Variants in NCKIPSD observed in about 807,000 individuals in gnomAD.
The protein encoded by NCKIPSD is NCK-interacting protein with SH3 domain.
In NCKIPSD, 48 loss-of-function variants were observed where a neutral mutation model predicts 73.4. The ratio of observed to expected loss-of-function variants is 0.65; its 90% CI spans 0.52 to 0.83. The LOEUF is 0.83. NCKIPSD is among the 40% of genes least tolerant of loss of function. The pLI, the probability that NCKIPSD is intolerant of heterozygous loss-of-function variation, is 0.00. For synonymous variants in NCKIPSD, 422 were observed against 403.6 expected (o/e 1.05, Z -0.54); for missense variants, 884 against 970.2 (o/e 0.91, Z 1.18).
rs1358164762 is a variant in NCKIPSD, at chr3:48,685,721, T to C, written c.87A>G (p.Arg29=). 1.3e-6 allele frequency: 2 copies of C among 1,533,102 alleles called. No homozygotes were observed. The highest frequency in any genetic ancestry group is 2.5e-5 in the East Asian group (1 of 40,162). 95.0% of individuals were successfully genotyped at this position (1,533,102 alleles called of 1,614,324 possible). A position where few individuals can be genotyped will look rare whatever the true frequency, so the allele number is the denominator to read the frequency against. The change falls in exon 1 of 13, where the codon CGA becomes CGG. Residue 29 remains arginine (R), a synonymous_variant. Coordinates refer to ENST00000294129, the MANE Select transcript of NCKIPSD (RefSeq NM_016453.4). ...AAGETFLVLE[R]SSAHWWLAAR... ...CGGCCAGCCACCAGTGCGCGCTGCT[T>C]CGCTCTAGCACCAGGAAGGTCTCGC...
At position 48,674,741 on chromosome 3, in the gene NCKIPSD, T is replaced by G. The variant is rs141045366; in HGVS notation, c.1972A>C (p.Met658Leu). ...GCATGCATCAGGGAGAGGTACTCCA[T>G]GCGCAGCTGTGGGAAGAGCAGGCCA... Reference protein sequence around the residue: ...ADLSPGDKLRMEYLSLMHAIV... With the variant: ...ADLSPGDKLRLEYLSLMHAIV... The change falls in exon 13 of 13, where the codon ATG (methionine) becomes CTG (leucine). Residue 658 changes from methionine (M) to leucine (L), a missense_variant. Met to Leu is a conservative substitution (Grantham distance 15). Coordinates refer to ENST00000294129, the MANE Select transcript of NCKIPSD (RefSeq NM_016453.4). 1 of 1,613,710 alleles carries G rather than the reference T, an allele frequency of 6.2e-7. No individual in the cohort carries two copies. Among genetic ancestry groups the G allele is most frequent in the African/African-American group, 1.3e-5 (1 of 74,852 alleles).
At position 48,682,992 on chromosome 3, in the gene NCKIPSD, G is replaced by T; in HGVS notation, c.192C>A (p.Leu64=). The T allele has an allele frequency of 6.4e-7, 1 of 1,550,882 alleles. No individual in the cohort carries two copies. The part of the protein sequence containing the change: ...RRLQGLEQDV[L]QAIDRAIEAV... ...CCTCGATGGCCCGGTCAATGGCCTG[G>T]AGGACATCCTGCTCCAGGCCCTGGG... Residue 64 remains leucine, a synonymous_variant, in exon 2 of 13, where the codon CTC becomes CTA. Coordinates refer to ENST00000294129, the MANE Select transcript of NCKIPSD (RefSeq NM_016453.4).
chr3:48,679,929 G>C (rs374389466), intron 6 of NCKIPSD, 42 bp from the exon 7 acceptor site: 42 of 1,612,748 alleles, frequency 2.6e-5, no homozygotes, highest in Non-Finnish European at 3.5e-5. Flanking sequence ...ACCATGAGCG[G>C]AGCTGTGCAG....
At position 48,674,540 on chromosome 3, in the gene NCKIPSD, G is replaced by T; in HGVS notation, c.*4C>A. 6.3e-7 allele frequency: 1 copy of T among 1,581,264 alleles called. No individual in the cohort carries two copies. The highest frequency in any genetic ancestry group is 2.3e-5 in the East Asian group (1 of 43,352). On this transcript the variant is annotated 3_prime_UTR_variant, in exon 13 of 13. Coordinates refer to ENST00000294129, the MANE Select transcript of NCKIPSD (RefSeq NM_016453.4). ...AGCTGCAGGGAAGGGAGGACAGCAA[G>T]GTGCTAGCTGGGAGCCTCCCCCAGC... is the stretch of plus-strand genomic sequence containing the variant.
rs2077326610 is a variant in NCKIPSD, at chr3:48,680,117, G to A, written c.1205C>T (p.Ala402Val). ...RKDDAQQRSWALYEDEGVIRC... is the reference protein window; with the variant it reads ...RKDDAQQRSWVLYEDEGVIRC... ...GATGACACCCTCATCCTCATATAGTGCCCAACTGCGCTGCTGGGCGTCGTC... is the reference window on the plus strand; with the variant it reads ...GATGACACCCTCATCCTCATATAGTACCCAACTGCGCTGCTGGGCGTCGTC... Residue 402 changes from alanine (A) to valine (V), a missense_variant, in exon 6 of 13, where the codon GCA (alanine) becomes GTA (valine). Coordinates refer to ENST00000294129, the MANE Select transcript of NCKIPSD (RefSeq NM_016453.4). The A allele has an allele frequency of 2.5e-6, 4 of 1,614,116 alleles. No homozygotes were observed. In the East Asian group the frequency reaches 8.9e-5, roughly 36 times the overall value.
At chr3:48,679,935 T>C (rs1424241153) in intron 6 of NCKIPSD, 48 bp from the exon 7 acceptor site, 5 of 1,612,732 alleles carry the variant, frequency 3.1e-6, no homozygotes, top group Non-Finnish European at 4.2e-6. Flanking sequence ...AGCGGAGCTG[T>C]GCAGCCGCAC....
In NCKIPSD at chr3:48,680,047, C is replaced by T. The variant is rs879141640; in HGVS notation, c.1263+12G>A. The T allele has an allele frequency of 6.2e-7, 1 of 1,607,960 alleles. No homozygotes were observed. The highest frequency in any genetic ancestry group is 8.5e-7 in the Non-Finnish European group (1 of 1,175,784). ...CCCCATGTGGGGTATGTGTGTGGGACCCCACCCTTACCAGAATATGCAGCA... is the reference window on the plus strand; with the variant it reads ...CCCCATGTGGGGTATGTGTGTGGGATCCCACCCTTACCAGAATATGCAGCA... On this transcript the variant is annotated intron_variant, in intron 6 of 12. Transcript: ENST00000294129.
intron 1 of NCKIPSD, among the ~76,000 whole-genome samples, chr3:48,685,273 G>A (rs919571839): frequency 2.0e-5 from 3 of 151,254 alleles, no homozygotes; most frequent in Admixed American, 6.6e-5. Flanking sequence ...GGCATATTAA[G>A]GATCTGGGGT....
At position 48,685,657 on chromosome 3, in the gene NCKIPSD, C is replaced by T; in HGVS notation, c.151G>A (p.Ala51Thr). 6.6e-7 allele frequency: 1 copy of T among 1,524,064 alleles called. No individual in the cohort carries two copies. Among genetic ancestry groups the T allele is most frequent in the Non-Finnish European group, 8.8e-7 (1 of 1,141,764 alleles). The allele number at this position is 1,524,064 out of a possible 1,614,324, so 94.4% of individuals were successfully genotyped here. The change falls in exon 1 of 13, where the codon GCC (alanine) becomes ACC (threonine). Residue 51 changes from alanine (A) to threonine (T), a missense_variant. Coordinates refer to ENST00000294129, the MANE Select transcript of NCKIPSD (RefSeq NM_016453.4). The stretch of plus-strand genomic sequence containing the variant: ...CTCACCTGCAGGCGGCGCAGGTAGG[C>T]TGGCGGCACGTAGCCCGTCTCACCA... ...RSGETGYVPPAYLRRLQGLEQ... is the reference protein window; with the variant it reads ...RSGETGYVPPTYLRRLQGLEQ...
rs780475659 is a variant in NCKIPSD, at chr3:48,679,416, C to A, written c.1531G>T (p.Val511Phe). The A allele has an allele frequency of 2.5e-6, 4 of 1,613,886 alleles. No homozygotes were observed. In the South Asian group the frequency reaches 4.4e-5, roughly 18 times the overall value. The change falls in exon 9 of 13, where the codon GTC (valine) becomes TTC (phenylalanine). Residue 511 changes from valine to phenylalanine, a missense_variant. Val to Phe is a conservative substitution (Grantham distance 50). Coordinates refer to ENST00000294129, the MANE Select transcript of NCKIPSD (RefSeq NM_016453.4). ...LCYSALILAM[V>F]FSMGEAVPYA... Reference sequence around the variant, plus strand: ...GGCACTGCCTCTCCCATGGAGAAGACCATGGCCAGGATGAGGGCAGAGTAA... The same window carrying A: ...GGCACTGCCTCTCCCATGGAGAAGAACATGGCCAGGATGAGGGCAGAGTAA...
chr3:48,676,954 A>G (rs536744495), intron 12 of NCKIPSD, among the ~76,000 whole-genome samples: 2 of 149,412 alleles, frequency 1.3e-5, no homozygotes, highest in African/African-American at 4.9e-5. Flanking sequence ...TATTTTTCGT[A>G]TTTTGTATTT....
chr3:48,679,069 T>C lies in NCKIPSD; in HGVS notation c.1685A>G (p.Asn562Ser), dbSNP rs777931048. 2.5e-6 allele frequency: 4 copies of C among 1,613,864 alleles called. No individual in the cohort carries two copies. In the African/African-American group the frequency reaches 4.0e-5, roughly 16 times the overall value. The change falls in exon 10 of 13, where the codon AAC (asparagine) becomes AGC (serine). Residue 562 changes from asparagine to serine, a missense_variant. Transcript: ENST00000294129. ...CCCCACCCCACCTGGCAGGTGCAGGTTGAGAGCCAGAAGCAGGTTCACGCA... is the reference window on the plus strand; with the variant it reads ...CCCCACCCCACCTGGCAGGTGCAGGCTGAGAGCCAGAAGCAGGTTCACGCA... ...DLCVNLLLALNLHLPAADQNV... is the reference protein window; with the variant it reads ...DLCVNLLLALSLHLPAADQNV...
At chr3:48,683,135 T>C in intron 1 of NCKIPSD, 123 bp from the exon 2 acceptor site, 1 of 1,504,398 alleles carries the variant, frequency 6.6e-7, no homozygotes, top group Non-Finnish European at 8.9e-7. Flanking sequence ...ATGCTAGACA[T>C]AGCACAAAAA....
chr3:48,685,845 G>C lies in NCKIPSD; in HGVS notation c.-38C>G. On this transcript the variant is annotated 5_prime_UTR_variant, in exon 1 of 13. Transcript: ENST00000294129. Reference sequence around the variant, plus strand: ...GGCAGGTGCAGGGAAGGTGGCAAGGGCTGCGGCGCCACAACGCCAGGCCGG... The same window carrying C: ...GGCAGGTGCAGGGAAGGTGGCAAGGCCTGCGGCGCCACAACGCCAGGCCGG... 1 of 1,371,602 alleles carries C rather than the reference G, an allele frequency of 7.3e-7. No individual in the cohort carries two copies. The highest frequency in any genetic ancestry group is 9.4e-7 in the Non-Finnish European group (1 of 1,067,250). The allele number at this position is 1,371,602 out of a possible 1,614,324, so 85.0% of individuals were successfully genotyped here. A position where few individuals can be genotyped will look rare whatever the true frequency, so the allele number is the denominator to read the frequency against.
At position 48,674,275 on chromosome 3, in the gene NCKIPSD, G is replaced by A; in HGVS notation, c.*269C>T. 1 of 1,339,472 alleles carries A rather than the reference G, an allele frequency of 7.5e-7. No individual in the cohort carries two copies. Among genetic ancestry groups the A allele is most frequent in the Non-Finnish European group, 9.6e-7 (1 of 1,037,744 alleles). 83.0% of individuals were successfully genotyped at this position (1,339,472 alleles called of 1,614,324 possible). On this transcript the variant is annotated 3_prime_UTR_variant, in exon 13 of 13. Transcript: ENST00000294129. ...CTGAGTGTACACATGGGTGTGGGGT[G>A]AAGAGGGGGGCATGCTGAAGAGGAA...
intron 8 of NCKIPSD, 49 bp downstream of exon 8, chr3:48,679,526 A>G (rs778014768): frequency 6.2e-7 from 1 of 1,608,482 alleles, no homozygotes; most frequent in Non-Finnish European, 8.5e-7. Context: ...TGGCAGGAAC[A>G]CCCTCCAGAT....
At chr3:48,683,052 AAC>A (rs1188302007) in intron 1 of NCKIPSD, 40 bp from the exon 2 acceptor site, 8 of 1,545,662 alleles carry the variant, frequency 5.2e-6, no homozygotes, top group Non-Finnish European at 7.0e-6. Context: ...CTGAAGGCCA[AAC>A]GGAGGTGCTC....
At position 48,679,461 on chromosome 3, in the gene NCKIPSD, G is replaced by T; in HGVS notation, c.1490-4C>A. 1 of 1,611,020 alleles carries T rather than the reference G, an allele frequency of 6.2e-7. No individual in the cohort carries two copies. Among genetic ancestry groups the T allele is most frequent in the East Asian group, 2.2e-5 (1 of 44,798 alleles). On this transcript the variant is annotated splice_region_variant and splice_polypyrimidine_tract_variant and intron_variant, in intron 8 of 12. Coordinates refer to ENST00000294129, the MANE Select transcript of NCKIPSD (RefSeq NM_016453.4). The stretch of plus-strand genomic sequence containing the variant: ...GAGTAACAGAGTTTCTGGTGGTCTG[G>T]GGGGGACAAGGCAGGCAGTCAGAGT...
At chr3:48,682,776 T>G (rs1575569033) in intron 2 of NCKIPSD, 127 bp downstream of exon 2, 1 of 1,372,258 alleles carries the variant, frequency 7.3e-7, no homozygotes, top group Non-Finnish European at 9.9e-7. Context: ...CACTGGGAGG[T>G]GCCATTCCCC....
Sources: allele counts gnomAD v4.1 joint callset (sites outside exome capture counted in the v4.1 genomes callset), GRCh38; gene constraint gnomAD v4.1.1; transcripts MANE v1.5; gene names NCBI Gene and HGNC (gene_info 2026-07-23, HGNC 2026-07-21).